MCU: variants seen among roughly 807,000 people sequenced by gnomAD.
MCU encodes calcium uniporter protein, mitochondrial.
Under a neutral mutation model 45.2 loss-of-function variants are expected in MCU, and 12 were observed. That is an observed-to-expected ratio of 0.27 (90% CI 0.17 to 0.43). The LOEUF (loss-of-function observed/expected upper bound fraction) is 0.43. Ranked by LOEUF, MCU falls within the 20% of genes least tolerant of loss-of-function variation. MCU has a pLI of 1.00. For missense variants in MCU, 324 were observed against 436.7 expected (o/e 0.74, Z 2.30); for synonymous variants, 160 against 165.1 (o/e 0.97, Z 0.24).
intron 1 of MCU, among the ~76,000 whole-genome samples, chr10:72,705,927 G>T (rs763933348): frequency 3.3e-5 from 5 of 152,040 alleles, no homozygotes; most frequent in Non-Finnish European, 7.4e-5. Context: ...AGGTTGCAGT[G>T]AGCCGAGATC....
chr10:72,799,540 T>G (rs1048040553), intron 1 of MCU, among the ~76,000 whole-genome samples: 1 of 152,130 alleles, frequency 6.6e-6, no homozygotes, highest in Non-Finnish European at 1.5e-5. Flanking sequence ...CAGGCTGTAC[T>G]TGAATTCCTG....
intron 1 of MCU, among the ~76,000 whole-genome samples, chr10:72,741,607 G>A (rs931533497): frequency 6.6e-6 from 1 of 152,206 alleles, no homozygotes; most frequent in Non-Finnish European, 1.5e-5. Context: ...CCTGTGGTCA[G>A]TGGCCACCAG....
intron 1 of MCU, among the ~76,000 whole-genome samples, chr10:72,699,669 G>T (rs1488386839): frequency 6.7e-6 from 1 of 149,790 alleles, no homozygotes; most frequent in Non-Finnish European, 1.5e-5. Context: ...TCTGCTCTCT[G>T]CAGTCTCTGT....
chr10:72,749,653 TGAAA>T (rs1843465423), intron 1 of MCU, among the ~76,000 whole-genome samples: 1 of 152,026 alleles, frequency 6.6e-6, no homozygotes, highest in Admixed American at 6.6e-5. Context: ...GCCTTTTGAG[TGAAA>T]GAGAGTGCTG....
intron 1 of MCU, chr10:72,766,583 A>ATC (rs1336246168): frequency 6.6e-6 from 1 of 152,178 alleles, no homozygotes; most frequent in Non-Finnish European, 1.5e-5. Context: ...TTCCTTTCTC[A>ATC]TCTGTACTTT....
chr10:72,842,335 A>G (rs1349594533), intron 2 of MCU, among the ~76,000 whole-genome samples: 2 of 152,344 alleles, frequency 1.3e-5, no homozygotes, highest in African/African-American at 2.4e-5. Flanking sequence ...TTGGATTTAT[A>G]ATCTTTTCAC....
intron 4 of MCU, among the ~76,000 whole-genome samples, chr10:72,867,421 T>C (rs1438003476): frequency 6.6e-6 from 1 of 152,168 alleles, no homozygotes; most frequent in Non-Finnish European, 1.5e-5. Context: ...AAGAATTTAA[T>C]CTTTCACCCT....
intron 1 of MCU, among the ~76,000 whole-genome samples, chr10:72,789,158 C>T (rs1165181060): frequency 1.3e-5 from 2 of 152,042 alleles, no homozygotes; most frequent in African/African-American, 4.8e-5. Context: ...ATTCCTTTTC[C>T]TTGGGTGACT....
Position 72,868,832 on chromosome 10 carries a change from A to T in MCU, c.626A>T (p.Asp209Val), listed in dbSNP as rs1466559379. 2 of 1,614,108 alleles carry T rather than the reference A, an allele frequency of 1.2e-6. No homozygotes were observed. The highest frequency in any genetic ancestry group is 2.2e-5 in the South Asian group (2 of 91,074). ...AGGGAGCTTATTGAAAGACTAGAGG[A>T]TCTCAAAGAGCAGCTGGCTCCCCTG... Reference protein sequence around the residue: ...KERELIERLEDLKEQLAPLEK... With the variant: ...KERELIERLEVLKEQLAPLEK... Residue 209 changes from aspartate to valine, a missense_variant, in exon 5 of 8, where the codon GAT (aspartate) becomes GTT (valine). Asp to Val is a radical substitution (Grantham distance 152, BLOSUM62 -3). This residue lies in a region of MCU where 135 missense variants were observed against 207.3 expected (regional missense o/e 0.65). Coordinates refer to ENST00000373053, the MANE Select transcript of MCU (RefSeq NM_138357.3).
chr10:72,807,793 C>T (rs1044390443), intron 1 of MCU, among the ~76,000 whole-genome samples: 4 of 152,148 alleles, frequency 2.6e-5, no homozygotes, highest in Non-Finnish European at 5.9e-5. Flanking sequence ...CACCCAAGAA[C>T]ATCTATTATT....
chr10:72,767,270 C>T (rs1003514426), intron 1 of MCU, among the ~76,000 whole-genome samples: 4 of 151,890 alleles, frequency 2.6e-5, no homozygotes, highest in South Asian at 2.1e-4. Context: ...ATGATCTTCT[C>T]GTTTCTGAAG....
intron 1 of MCU, among the ~76,000 whole-genome samples, chr10:72,707,546 A>T (rs903367942): frequency 6.6e-6 from 1 of 151,810 alleles, no homozygotes; most frequent in Non-Finnish European, 1.5e-5. Context: ...CCATCACAGA[A>T]TATTTTTATT....
intron 1 of MCU, chr10:72,731,100 T>C (rs2132684652): frequency 6.6e-6 from 1 of 152,298 alleles, no homozygotes; most frequent in South Asian, 2.1e-4. Context: ...AGTTTATATA[T>C]ATATTTTTAA....
chr10:72,830,969 A>T (rs1320201536), intron 1 of MCU, among the ~76,000 whole-genome samples: 1 of 152,236 alleles, frequency 6.6e-6, no homozygotes, highest in East Asian at 1.9e-4. Context: ...TTAACATGCC[A>T]AGCTGCAGGA....
intron 1 of MCU, among the ~76,000 whole-genome samples, chr10:72,785,295 C>T (rs550517358): frequency 6.6e-6 from 1 of 152,268 alleles, no homozygotes; most frequent in Non-Finnish European, 1.5e-5. Context: ...TTTCTCTTTC[C>T]CTGCTTCTGT....
chr10:72,871,919 C>T (rs910705779), intron 6 of MCU, among the ~76,000 whole-genome samples: 2 of 152,194 alleles, frequency 1.3e-5, no homozygotes, highest in African/African-American at 4.8e-5. Context: ...AGCTGTGTTG[C>T]TTGGCTTTTT....
Position 72,692,178 on chromosome 10 carries a change from C to G in MCU, c.27C>G (p.Leu9=). 7.8e-7 allele frequency: 1 copy of G among 1,283,472 alleles called. No individual in the cohort carries two copies. The highest frequency in any genetic ancestry group is 2.6e-4 in the Middle Eastern group (1 of 3,884). The allele number at this position is 1,283,472 out of a possible 1,614,324, so 79.5% of individuals were successfully genotyped here. Residue 9 remains leucine, a synonymous_variant, in exon 1 of 8, where the codon CTC becomes CTG. Transcript: ENST00000373053. MAAAAGRS[L]LLLLSSRGGG... is the part of the protein sequence containing the mutation. ...TGGCGGCCGCCGCAGGTAGATCGCT[C>G]CTGCTGCTCCTCTCCTCTCGGGGCG...
intron 2 of MCU, among the ~76,000 whole-genome samples, chr10:72,840,956 G>C (rs1386800538): frequency 6.6e-6 from 1 of 152,114 alleles, no homozygotes; most frequent in Non-Finnish European, 1.5e-5. Context: ...AGACCTTTAA[G>C]CTTTATGTGC....
At chr10:72,760,712 CTTTCTTTTTTT>C (rs1019871902) in intron 1 of MCU, 6 of 116,816 alleles carry the variant, frequency 5.1e-5, no homozygotes, top group South Asian at 2.6e-4. Flanking sequence ...TTTTTTTTTT[CTTTCTTTTTTT>C]TTTTTTTTTT....
Sources: gnomAD v4.1 joint callset for allele counts (sites outside exome capture counted in the v4.1 genomes callset) on GRCh38, gnomAD v4.1.1 for gene constraint, gnomAD v4.1.1 regional missense constraint, MANE v1.5 for transcripts, NCBI Gene and HGNC (gene_info 2026-07-23, HGNC 2026-07-21) for gene names.